Variants in LRMDA observed in about 807,000 individuals in gnomAD.
LRMDA encodes leucine-rich melanocyte differentiation-associated protein.
Under a neutral mutation model 29.8 loss-of-function variants are expected in LRMDA, and 18 were observed. The ratio of observed to expected loss-of-function variants is 0.60; its 90% CI spans 0.42 to 0.90. The LOEUF (loss-of-function observed/expected upper bound fraction) is 0.90, where lower values mean the gene tolerates loss of function less well. Ranked by LOEUF, LRMDA falls within the 40% of genes least tolerant of loss-of-function variation. The pLI is 0.00. For missense variants in LRMDA, 273 were observed against 273.9 expected (o/e 1.00, Z 0.02); for synonymous variants, 125 against 109.4 (o/e 1.14, Z -0.89).
intron 2 of LRMDA, among the ~76,000 whole-genome samples, chr10:75,702,059 A>G (rs1842314764): frequency 6.6e-6 from 1 of 151,962 alleles, no homozygotes; most frequent in Non-Finnish European, 1.5e-5. Context: ...CACATCCTCA[A>G]TCTTCACCTA....
chr10:75,453,622 T>G (rs1844483930), intron 2 of LRMDA, among the ~76,000 whole-genome samples: 1 of 152,214 alleles, frequency 6.6e-6, no homozygotes, highest in Admixed American at 6.5e-5. Flanking sequence ...TCAAAAACCC[T>G]AATATGTTTT....
At chr10:75,453,665 T>C (rs879820682) in intron 2 of LRMDA, among the ~76,000 whole-genome samples, 1 of 152,186 alleles carries the variant, frequency 6.6e-6, no homozygotes, top group East Asian at 1.9e-4. Flanking sequence ...TTCAGCTCTG[T>C]TGATTGAATG....
At chr10:75,573,172 C>G (rs1213890876) in intron 2 of LRMDA, among the ~76,000 whole-genome samples, 1 of 152,120 alleles carries the variant, frequency 6.6e-6, no homozygotes, top group African/African-American at 2.4e-5. Flanking sequence ...GTCTTTCATT[C>G]CTTTGAGGAT....
intron 6 of LRMDA, among the ~76,000 whole-genome samples, chr10:76,432,713 C>G (rs1019866118): frequency 6.6e-6 from 1 of 152,130 alleles, no homozygotes. Context: ...ACAGATGAGG[C>G]GCAGAATAGG....
At chr10:76,211,580 T>C (rs1241025431) in intron 5 of LRMDA, among the ~76,000 whole-genome samples, 1 of 152,206 alleles carries the variant, frequency 6.6e-6, no homozygotes, top group Non-Finnish European at 1.5e-5. Context: ...TTTTTTACTT[T>C]ATAGTTTGCT....
chr10:75,606,400 T>C (rs1160506285), intron 2 of LRMDA, among the ~76,000 whole-genome samples: 3 of 152,142 alleles, frequency 2.0e-5, no homozygotes. Flanking sequence ...GCAGTGAAGG[T>C]ATTGAAACCA....
chr10:75,852,376 G>A (rs1347241871), intron 2 of LRMDA, among the ~76,000 whole-genome samples: 2 of 152,212 alleles, frequency 1.3e-5, no homozygotes, highest in East Asian at 3.9e-4. Flanking sequence ...TCATTTAGGA[G>A]CCTATTTTGC....
intron 6 of LRMDA, among the ~76,000 whole-genome samples, chr10:76,535,629 T>G (rs1339786318): frequency 6.6e-6 from 1 of 152,026 alleles, no homozygotes; most frequent in Non-Finnish European, 1.5e-5. Flanking sequence ...ACTGTGAAAA[T>G]TTTCAAGCCT....
intron 2 of LRMDA, among the ~76,000 whole-genome samples, chr10:75,693,863 T>G (rs1286946749): frequency 6.6e-6 from 1 of 152,186 alleles, no homozygotes; most frequent in Non-Finnish European, 1.5e-5. Flanking sequence ...GCCCCATATT[T>G]CTTGGATGAA....
intron 5 of LRMDA, among the ~76,000 whole-genome samples, chr10:76,286,042 G>A (rs1053616299): frequency 6.6e-6 from 1 of 152,156 alleles, no homozygotes; most frequent in Admixed American, 6.5e-5. Flanking sequence ...GAGTTAATTG[G>A]GGAAGCAGTG....
chr10:76,530,630 C>T lies in LRMDA; in HGVS notation c.602-26579C>T, dbSNP rs143962425. The stretch of plus-strand genomic sequence containing the variant: ...AGGAGGAGGAAAGGGAGAAAGAGAA[C>T]GAGAGAGGCAAGAAATCTGCTAAGG... On this transcript the variant is annotated intron_variant, in intron 6 of 6. Coordinates refer to ENST00000611255, the MANE Select transcript of LRMDA (RefSeq NM_001305581.2). Among the ~76,000 whole-genome samples, 541 of 152,112 alleles carry T rather than the reference C, an allele frequency of 3.6e-3. 2 individuals carry two copies. Among genetic ancestry groups the T allele is most frequent in the African/African-American group, 0.013 (519 of 41,502 alleles).
In LRMDA at chr10:75,832,885, A is replaced by G. The variant is rs145415140; in HGVS notation, c.132-203123A>G. ...AACAACACGAGAAAGACCTGCCCCC[A>G]TGATTCAGTTGTCTCCCACTGGGCC... is the stretch of plus-strand genomic sequence containing the variant. On this transcript the variant is annotated intron_variant, in intron 2 of 6. Transcript: ENST00000611255. 2.4e-3 allele frequency among the ~76,000 whole-genome samples: 364 copies of G among 152,324 alleles called. 3 individuals are homozygous for G. The South Asian group carries it at 0.029, about 12-fold the overall frequency.
chr10:76,003,915 T>G (rs1432258042), intron 2 of LRMDA, among the ~76,000 whole-genome samples: 2 of 152,138 alleles, frequency 1.3e-5, no homozygotes, highest in Non-Finnish European at 1.5e-5. Context: ...CAGATGGAGA[T>G]TGGGACCTGG....
At chr10:75,882,080 G>A (rs944913456) in intron 2 of LRMDA, among the ~76,000 whole-genome samples, 20 of 152,172 alleles carry the variant, frequency 1.3e-4, no homozygotes, top group African/African-American at 4.6e-4. Context: ...CAGGCAGAGG[G>A]CACAGCAAGT....
chr10:76,166,295 G>A (rs1850739214), intron 5 of LRMDA, among the ~76,000 whole-genome samples: 1 of 152,112 alleles, frequency 6.6e-6, no homozygotes, highest in South Asian at 2.1e-4. Context: ...AATGGTACTT[G>A]TTCCAACCTT....
intron 2 of LRMDA, among the ~76,000 whole-genome samples, chr10:75,925,718 T>C (rs1403084479): frequency 6.7e-6 from 1 of 150,108 alleles, no homozygotes; most frequent in Non-Finnish European, 1.5e-5. Flanking sequence ...AGTGACACAG[T>C]CTCGGTTCAC....
intron 2 of LRMDA, among the ~76,000 whole-genome samples, chr10:75,717,768 A>G (rs966302177): frequency 9.9e-5 from 15 of 152,134 alleles, no homozygotes; most frequent in African/African-American, 3.4e-4. Flanking sequence ...GTTCATGGAA[A>G]TTGGGCCCCT....
chr10:75,734,178 A>G (rs567597087), intron 2 of LRMDA, among the ~76,000 whole-genome samples: 1 of 152,176 alleles, frequency 6.6e-6, no homozygotes, highest in Non-Finnish European at 1.5e-5. Context: ...CAAGTGTTAT[A>G]TGTGGTTTGC....
chr10:76,509,231 T>G (rs144963848), intron 6 of LRMDA, among the ~76,000 whole-genome samples: 27 of 152,272 alleles, frequency 1.8e-4, no homozygotes, highest in African/African-American at 6.5e-4. Flanking sequence ...ATTTCTAATG[T>G]CACTCCTTCC....
Sources: gnomAD v4.1 joint callset for allele counts (sites outside exome capture counted in the v4.1 genomes callset) on GRCh38, gnomAD v4.1.1 for gene constraint, MANE v1.5 for transcripts, NCBI Gene and HGNC (gene_info 2026-07-23, HGNC 2026-07-21) for gene names.